WSCD1: variants seen among roughly 807,000 people sequenced by gnomAD.
WSCD1 encodes the protein WSC domain sialate O sulfotransferase 1.
A neutral mutation model predicts 60.4 loss-of-function variants in WSCD1; 41 were observed. That is an observed-to-expected ratio of 0.68 (90% CI 0.53 to 0.88). The LOEUF (loss-of-function observed/expected upper bound fraction) is 0.88, where lower values mean the gene tolerates loss of function less well. Ranked by LOEUF, WSCD1 falls within the 40% of genes least tolerant of loss-of-function variation. The pLI, the probability that WSCD1 is intolerant of heterozygous loss-of-function variation, is 0.00. For missense variants in WSCD1, 784 were observed against 796.2 expected (o/e 0.98, Z 0.18); for synonymous variants, 361 against 332.5 (o/e 1.09, Z -0.93).
chr17:6,077,015 T>C (rs7225379), intron 1 of WSCD1, among the ~76,000 whole-genome samples: 28,920 of 151,208 alleles, frequency 0.19, 3,481 homozygotes, highest in Non-Finnish European at 0.27. Flanking sequence ...GGAGAGACAG[T>C]GTGATGTGAT....
chr17:6,081,511 G>C (rs1909272593), intron 2 of WSCD1, among the ~76,000 whole-genome samples: 1 of 152,050 alleles, frequency 6.6e-6, no homozygotes, highest in Non-Finnish European at 1.5e-5. Flanking sequence ...AGGAGTTCAA[G>C]ACCAGCCTGG....
intron 4 of WSCD1, among the ~76,000 whole-genome samples, chr17:6,094,422 C>T (rs1319661939): frequency 6.6e-6 from 1 of 152,198 alleles, no homozygotes; most frequent in Non-Finnish European, 1.5e-5. Flanking sequence ...TCCATGTCTG[C>T]TTTTCTTTTA....
At position 6,095,132 on chromosome 17, in the gene WSCD1, G is replaced by A. The variant is rs530897126; in HGVS notation, c.758G>A (p.Arg253Gln). The A allele has an allele frequency of 2.2e-5, 36 of 1,613,386 alleles. No individual in the cohort carries two copies. The highest frequency in any genetic ancestry group is 2.7e-5 in the Non-Finnish European group (32 of 1,179,676). ...RRTATYRGCF[R>Q]LPENITHAFP... ...ACCGCCACCTACCGCGGATGCTTCCGACTGCCAGAGAACATCACACATGCC... is the reference window on the plus strand; with the variant it reads ...ACCGCCACCTACCGCGGATGCTTCCAACTGCCAGAGAACATCACACATGCC... The change falls in exon 5 of 9, where the codon CGA becomes CAA. Residue 253 changes from arginine to glutamine, a missense_variant. Arg to Gln is a conservative substitution (Grantham distance 43). Transcript: ENST00000317744.
Position 6,080,788 on chromosome 17 carries a change from C to T in WSCD1, c.130C>T (p.Gln44Ter), listed in dbSNP as rs1909191700. Residue 44 changes from glutamine to a stop codon, truncating the protein, a stop_gained, in exon 2 of 9, where the codon CAG becomes TAG. Coordinates refer to ENST00000317744, the MANE Select transcript of WSCD1 (RefSeq NM_015253.2). LOFTEE classifies it high-confidence loss of function. The surrounding 1 kb of genome is among the most constrained non-coding windows in gnomAD (Gnocchi z 6.6). Reference sequence around the variant, plus strand: ...GCAGCGGGTCCGCGTGGCTCTCCCACAGGGCCCCCGGGCACCCGGCCCCCT... The same window carrying T: ...GCAGCGGGTCCGCGTGGCTCTCCCATAGGGCCCCCGGGCACCCGGCCCCCT... ...LLQRVRVALP[Q>*]GPRAPGPLQT... 2 of 1,610,822 alleles carry T rather than the reference C, an allele frequency of 1.2e-6. No homozygotes were observed. Among genetic ancestry groups the T allele is most frequent in the Admixed American group, 1.7e-5 (1 of 59,792 alleles).
At position 6,121,466 on chromosome 17, in the gene WSCD1, G is replaced by A. The variant is rs3809841; in HGVS notation, c.*805G>A. ...TTCAACCCCTCCTACACCATGCTCCGGGGCCTGGGGCCTCCTTGCCTGGCT... is the reference window on the plus strand; with the variant it reads ...TTCAACCCCTCCTACACCATGCTCCAGGGCCTGGGGCCTCCTTGCCTGGCT... On this transcript the variant is annotated 3_prime_UTR_variant, in exon 9 of 9. Transcript: ENST00000317744. 1.9e-3 allele frequency: 284 copies of A among 152,130 alleles called. No individual in the cohort carries two copies. The highest frequency in any genetic ancestry group is 2.0e-3 in the Non-Finnish European group (135 of 68,040). 9.4% of individuals were successfully genotyped at this position (152,130 alleles called of 1,614,324 possible).
chr17:6,116,507 CTGT>C (rs1911690703), intron 7 of WSCD1, among the ~76,000 whole-genome samples: 1 of 152,172 alleles, frequency 6.6e-6, no homozygotes, highest in Admixed American at 6.5e-5. Context: ...GGCAGAATAG[CTGT>C]TGTTGGAAGA....
rs1389799402 is a variant in WSCD1 at position 6,120,445 on chromosome 17, G to A, written c.1512G>A (p.Met504Ile). 6.2e-7 allele frequency: 1 copy of A among 1,614,028 alleles called. No individual in the cohort carries two copies. Reference sequence around the variant, plus strand: ...GCCTGGTGCCCACGTTACGGGAGATGGTGGCCTTCCTCAACGTGTCTGTGA... The same window carrying A: ...GCCTGGTGCCCACGTTACGGGAGATAGTGGCCTTCCTCAACGTGTCTGTGA... ...RRSLVPTLRE[M>I]VAFLNVSVSE... Residue 504 changes from methionine to isoleucine, a missense_variant, in exon 9 of 9, where the codon ATG becomes ATA. Transcript: ENST00000317744.
In WSCD1 at chr17:6,081,058, G is replaced by A. The variant is rs1351125662; in HGVS notation, c.400G>A (p.Ala134Thr). 6.5e-7 allele frequency: 1 copy of A among 1,540,062 alleles called. No homozygotes were observed. Among genetic ancestry groups the A allele is most frequent in the Non-Finnish European group, 8.7e-7 (1 of 1,144,826 alleles). Residue 134 changes from alanine to threonine, a missense_variant, in exon 2 of 9, where the codon GCT (alanine) becomes ACT (threonine). Ala to Thr is a moderately conservative substitution (Grantham distance 58). Coordinates refer to ENST00000317744, the MANE Select transcript of WSCD1 (RefSeq NM_015253.2). ...GGGACCGCCCGCCCTGGGCCCCGAG[G>A]CTGCCAGGCCCGCCATCCACAGCCG... ...SQGPPALGPE[A>T]ARPAIHSRGT...
chr17:6,108,786 G>A (rs1449990187), intron 5 of WSCD1, among the ~76,000 whole-genome samples: 1 of 152,240 alleles, frequency 6.6e-6, no homozygotes, highest in African/African-American at 2.4e-5. Flanking sequence ...AGTGTGTGGT[G>A]CAGCCTCCCC....
intron 2 of WSCD1, among the ~76,000 whole-genome samples, chr17:6,083,734 G>A (rs1023879917): frequency 6.6e-6 from 1 of 152,102 alleles, no homozygotes; most frequent in African/African-American, 2.4e-5. Context: ...AGCCGAGATC[G>A]CGCCACTGCA....
At chr17:6,116,553 CAG>C (rs1911693620) in intron 7 of WSCD1, among the ~76,000 whole-genome samples, 1 of 152,170 alleles carries the variant, frequency 6.6e-6, no homozygotes, top group African/African-American at 2.4e-5. Flanking sequence ...CCCCGGGTCT[CAG>C]GGTTGTTAAA....
intron 5 of WSCD1, among the ~76,000 whole-genome samples, chr17:6,104,496 C>T (rs188459648): frequency 6.6e-6 from 1 of 152,292 alleles, no homozygotes; most frequent in East Asian, 1.9e-4. Context: ...GGTTCCACTC[C>T]CAGCATCTGC....
intron 2 of WSCD1, among the ~76,000 whole-genome samples, chr17:6,083,185 C>T (rs992092634): frequency 6.6e-6 from 1 of 152,174 alleles, no homozygotes; most frequent in African/African-American, 2.4e-5. Flanking sequence ...CAGGAGTCAA[C>T]GTTACTTGAG....
At chr17:6,084,032 A>G (rs1909455339) in intron 2 of WSCD1, among the ~76,000 whole-genome samples, 1 of 152,092 alleles carries the variant, frequency 6.6e-6, no homozygotes, top group Admixed American at 6.5e-5. Context: ...AATAATTATA[A>G]TACTTCCAGG....
chr17:6,093,571 C>T (rs910913480), intron 4 of WSCD1, among the ~76,000 whole-genome samples: 2 of 152,152 alleles, frequency 1.3e-5, no homozygotes, highest in Non-Finnish European at 2.9e-5. Flanking sequence ...AGTGCCCAGT[C>T]CATTGAAATG....
At chr17:6,074,733 G>A (rs1005376241) in intron 1 of WSCD1, among the ~76,000 whole-genome samples, 1 of 152,238 alleles carries the variant, frequency 6.6e-6, no homozygotes, top group African/African-American at 2.4e-5. Context: ...TGGTGGAAGG[G>A]CATGCGTGAG....
chr17:6,094,170 A>C (rs1045848768), intron 4 of WSCD1, among the ~76,000 whole-genome samples: 18 of 152,236 alleles, frequency 1.2e-4, no homozygotes, highest in African/African-American at 4.1e-4. Flanking sequence ...AGTTGGTGCA[A>C]GAACATTCCA....
intron 5 of WSCD1, among the ~76,000 whole-genome samples, chr17:6,096,607 C>T (rs1018086061): frequency 4.6e-5 from 7 of 152,214 alleles, no homozygotes; most frequent in Non-Finnish European, 2.9e-5. Context: ...ACCCACGACA[C>T]AATTAAATGA....
intron 4 of WSCD1, among the ~76,000 whole-genome samples, chr17:6,093,474 C>A (rs1910189230): frequency 6.6e-6 from 1 of 152,170 alleles, no homozygotes. Context: ...TTGCTGAAAT[C>A]TTGATCCCTC....
Sources: gnomAD v4.1 joint callset for allele counts (sites outside exome capture counted in the v4.1 genomes callset) on GRCh38, gnomAD v4.1.1 for gene constraint, Gnocchi (gnomAD v3.1) non-coding constraint, MANE v1.5 for transcripts, NCBI Gene and HGNC (gene_info 2026-07-23, HGNC 2026-07-21) for gene names.